Variants in DNAH6 observed in about 807,000 individuals in gnomAD.
DNAH6 encodes the protein axonemal beta dynein heavy chain 6.
A neutral mutation model predicts 491.4 loss-of-function variants in DNAH6; 340 were observed. The ratio of observed to expected loss-of-function variants is 0.69; its 90% confidence interval spans 0.63 to 0.76. The LOEUF (loss-of-function observed/expected upper bound fraction) is 0.76. Among genes scored for constraint, DNAH6 ranks in the 30% least tolerant of loss-of-function variants. The pLI is 0.00. For synonymous variants in DNAH6, 1,603 were observed against 1,686.1 expected (o/e 0.95, Z 1.21); for missense variants, 4,443 against 4,972.2 (o/e 0.89, Z 3.20).
intron 71 of DNAH6, among the ~76,000 whole-genome samples, chr2:84,806,691 T>C (rs1679448037): frequency 6.7e-6 from 1 of 150,206 alleles, no homozygotes; most frequent in Non-Finnish European, 1.5e-5. Context: ...TTTTCTTAGA[T>C]CGATAGGAGA....
the DNAH6 span, among the ~76,000 whole-genome samples, chr2:84,500,383 G>A: frequency 9.9e-5 from 15 of 152,054 alleles, no homozygotes; most frequent in Non-Finnish European, 1.6e-4. Context: ...CTGTTCCATC[G>A]TCTATGTGTT....
At chr2:84,601,003 CTATAATAATAT>C (rs1439755922) in intron 18 of DNAH6, among the ~76,000 whole-genome samples, 1 of 130,292 alleles carries the variant, frequency 7.7e-6, no homozygotes, top group East Asian at 2.0e-4. Context: ...TAATAATATA[CTATAATAATAT>C]TATAATAATA....
At chr2:84,551,409 T>C (rs1469221405) in intron 9 of DNAH6, among the ~76,000 whole-genome samples, 1 of 152,050 alleles carries the variant, frequency 6.6e-6, no homozygotes, top group Non-Finnish European at 1.5e-5. Flanking sequence ...AAAAAAGATA[T>C]TATACTTTCC....
intron 11 of DNAH6, among the ~76,000 whole-genome samples, chr2:84,566,824 C>T (rs1004718309): frequency 1.6e-4 from 25 of 151,990 alleles, no homozygotes; most frequent in Admixed American, 6.5e-4. Context: ...GTAGAATAGA[C>T]GCCAAAATAC....
intron 61 of DNAH6, among the ~76,000 whole-genome samples, chr2:84,729,104 A>G (rs1044627091): frequency 8.5e-5 from 13 of 152,054 alleles, no homozygotes; most frequent in Admixed American, 7.9e-4. Flanking sequence ...ACCCCCATCC[A>G]TCTTGCATAC....
intron 67 of DNAH6, among the ~76,000 whole-genome samples, chr2:84,786,424 CAAAA>C (rs34307388): frequency 3.4e-5 from 3 of 88,784 alleles, no homozygotes; most frequent in African/African-American, 7.1e-5. Context: ...GACTCTGTCT[CAAAA>C]AAAAAAAAAA....
chr2:84,558,699 G>A (rs1451789067), intron 11 of DNAH6, among the ~76,000 whole-genome samples: 1 of 152,172 alleles, frequency 6.6e-6, no homozygotes, highest in East Asian at 1.9e-4. Context: ...AAGCATGCTT[G>A]AAGACTTTGA....
intron 33 of DNAH6, among the ~76,000 whole-genome samples, chr2:84,646,536 T>C (rs979762998): frequency 2.0e-5 from 3 of 152,170 alleles, no homozygotes; most frequent in African/African-American, 7.2e-5. Flanking sequence ...GGAAAAGATA[T>C]TGAAAGAAAT....
chr2:84,748,502 C>G (rs139352852), intron 63 of DNAH6, among the ~76,000 whole-genome samples: 35 of 152,346 alleles, frequency 2.3e-4, no homozygotes, highest in African/African-American at 7.7e-4. Flanking sequence ...TTTGCTAAGG[C>G]ATAACAAGGG....
chr2:84,548,641 A>G (rs1374906945), intron 8 of DNAH6, among the ~76,000 whole-genome samples: 1 of 152,324 alleles, frequency 6.6e-6, no homozygotes, highest in South Asian at 2.1e-4. Flanking sequence ...CTTGAAAAAA[A>G]AAATGGAACC....
Position 84,634,089 on chromosome 2 carries a change from T to C in DNAH6, c.4516-415T>C, listed in dbSNP as rs527796305. ...CTGCACAGCTATGCCTTCTGCTCAG[T>C]AGTCCTTGTGTGTGTCTGCCATGTA... On this transcript the variant is annotated intron_variant, in intron 29 of 76. Transcript: ENST00000389394. Among the ~76,000 whole-genome samples, 79 of 152,348 alleles carry C rather than the reference T, an allele frequency of 5.2e-4. 1 individual carries two copies. Among genetic ancestry groups the C allele is most frequent in the South Asian group, 4.3e-3 (21 of 4,830 alleles).
intron 18 of DNAH6, among the ~76,000 whole-genome samples, chr2:84,596,642 A>AT (rs949259495): frequency 4.2e-5 from 6 of 142,112 alleles, no homozygotes; most frequent in African/African-American, 1.6e-4. Context: ...ATTTTAGGGT[A>AT]TTTTTTTAAA....
intron 42 of DNAH6, among the ~76,000 whole-genome samples, chr2:84,682,304 C>T (rs1440446034): frequency 5.3e-5 from 8 of 152,254 alleles, no homozygotes; most frequent in Non-Finnish European, 8.8e-5. Context: ...GGCAGGCTCT[C>T]CTGGGGTCCC....
the DNAH6 span, among the ~76,000 whole-genome samples, chr2:84,502,505 A>C: frequency 8.5e-5 from 13 of 152,158 alleles, no homozygotes; most frequent in Non-Finnish European, 1.5e-5. Context: ...CCATTGGATG[A>C]AATGTTCTGT....
At chr2:84,530,382 A>G (rs984316771) in intron 4 of DNAH6, among the ~76,000 whole-genome samples, 2 of 152,174 alleles carry the variant, frequency 1.3e-5, no homozygotes, top group African/African-American at 4.8e-5. Flanking sequence ...GTGGTGGTGC[A>G]GTTATGAGCA....
intron 2 of DNAH6, among the ~76,000 whole-genome samples, chr2:84,521,725 A>AG (rs555453664): frequency 5.9e-5 from 9 of 152,284 alleles, no homozygotes; most frequent in Admixed American, 5.9e-4. Flanking sequence ...TTTATTGAAT[A>AG]GGGAGTCCTT....
intron 11 of DNAH6, among the ~76,000 whole-genome samples, chr2:84,563,337 C>T (rs1680857045): frequency 6.6e-6 from 1 of 152,184 alleles, no homozygotes; most frequent in Non-Finnish European, 1.5e-5. Context: ...AACTAATTTA[C>T]ATTCCCACTA....
intron 26 of DNAH6, among the ~76,000 whole-genome samples, chr2:84,623,623 A>G (rs1424104262): frequency 6.6e-6 from 1 of 152,128 alleles, no homozygotes; most frequent in East Asian, 1.9e-4. Flanking sequence ...ATGACTCCCT[A>G]AAAAAAGTTC....
At chr2:84,561,170 G>A (rs1474913747) in intron 11 of DNAH6, among the ~76,000 whole-genome samples, 1 of 152,100 alleles carries the variant, frequency 6.6e-6, no homozygotes, top group Admixed American at 6.6e-5. Context: ...AAACAGCATG[G>A]TACTGGTACC....
Sources: allele counts gnomAD v4.1 joint callset (sites outside exome capture counted in the v4.1 genomes callset), GRCh38; gene constraint gnomAD v4.1.1; transcripts MANE v1.5; gene names NCBI Gene and HGNC (gene_info 2026-07-23, HGNC 2026-07-21).